Variants in TLN2 observed in about 807,000 individuals in gnomAD.
TLN2 encodes talin-2.
TLN2 carries 118 observed loss-of-function variants against 294.7 expected under a neutral mutation model. That is an observed-to-expected ratio of 0.40 (90% CI 0.34 to 0.47). TLN2 has a LOEUF of 0.47. Among genes scored for constraint, TLN2 ranks in the 20% least tolerant of loss-of-function variants. The pLI, the probability that TLN2 is intolerant of heterozygous loss-of-function variation, is 0.84. For missense variants in TLN2, 3,083 were observed against 3,282.2 expected (o/e 0.94, Z 1.48); for synonymous variants, 1,431 against 1,304.5 (o/e 1.10, Z -2.09).
intron 2 of TLN2, among the ~76,000 whole-genome samples, chr15:62,600,283 G>A (rs547415505): frequency 2.0e-5 from 3 of 152,262 alleles, no homozygotes; most frequent in East Asian, 3.9e-4. Context: ...ATTTTGGTGC[G>A]GTGCAGTGAA....
At chr15:62,524,548 ATCCCTACCTTGAAGTAGCC>A (rs994241763) in intron 1 of TLN2, among the ~76,000 whole-genome samples, 4 of 152,182 alleles carry the variant, frequency 2.6e-5, no homozygotes, top group Non-Finnish European at 4.4e-5. Flanking sequence ...AGGACTTCAG[ATCCCTACCTTGAAGTAGCC>A]TCCCTACCTT....
chr15:62,640,116 A>C (rs1270186244), intron 3 of TLN2: 1 of 453,376 alleles, frequency 2.2e-6, no homozygotes, highest in African/African-American at 2.0e-5. Context: ...TGGCATTTGC[A>C]GCACTTCTGG....
intron 10 of TLN2, among the ~76,000 whole-genome samples, chr15:62,674,597 G>C (rs2055926734): frequency 1.3e-5 from 2 of 148,156 alleles, no homozygotes; most frequent in Admixed American, 6.9e-5. Context: ...CCCCCGCCCT[G>C]TTCAAGTGAT....
Position 62,725,076 on chromosome 15 carries a change from G to A in TLN2, c.3227G>A (p.Ser1076Asn), listed in dbSNP as rs2060362606. Residue 1076 changes from serine (S) to asparagine (N), a missense_variant, in exon 27 of 59, where the codon AGC (serine) becomes AAC (asparagine). By Grantham distance (46) the Ser-to-Asn change is conservative. Transcript: ENST00000636159. ...GATGCCAAGATGGCAGCCGTGGAGA[G>A]CCAGCTGAAGCCACTTCCAGGGGAA... ...LQDAKMAAVE[S>N]QLKPLPGETL... 1 of 1,612,742 alleles carries A rather than the reference G, an allele frequency of 6.2e-7. No individual in the cohort carries two copies. The highest frequency in any genetic ancestry group is 1.7e-5 in the Admixed American group (1 of 59,962).
rs553032101 is a variant in TLN2 at position 62,395,558 on chromosome 15, G to C, written c.-238+4873G>C. On this transcript the variant is annotated intron_variant, in intron 1 of 58. Coordinates refer to ENST00000636159, the MANE Select transcript of TLN2 (RefSeq NM_015059.3). ...TTCTGTGAAAGTTTGGAGCACACGT[G>C]CCATGTGAGCCAGCAATCCCACATT... Among the ~76,000 whole-genome samples, 44 of 152,242 alleles carry C rather than the reference G, an allele frequency of 2.9e-4. No homozygotes were observed. In the South Asian group the frequency reaches 8.7e-3, roughly 30 times the overall value.
At chr15:62,738,517 T>C (rs1320385098) in intron 30 of TLN2, among the ~76,000 whole-genome samples, 184 bp downstream of exon 30, 5 of 152,244 alleles carry the variant, frequency 3.3e-5, no homozygotes, top group Non-Finnish European at 7.3e-5. Flanking sequence ...AGGTGGAGCT[T>C]TTAAAGTTTA....
chr15:62,657,458 T>G (rs2053355580), intron 8 of TLN2, among the ~76,000 whole-genome samples: 1 of 152,240 alleles, frequency 6.6e-6, no homozygotes. Context: ...GCTGATCATT[T>G]CATATGAGTT....
intron 34 of TLN2, among the ~76,000 whole-genome samples, chr15:62,751,605 C>T (rs556620078): frequency 3.9e-5 from 6 of 152,320 alleles, no homozygotes; most frequent in Non-Finnish European, 8.8e-5. Flanking sequence ...GTAAAACATC[C>T]TTCAGTTCCA....
intron 8 of TLN2, among the ~76,000 whole-genome samples, 156 bp downstream of exon 8, chr15:62,656,242 G>T (rs1164521875): frequency 6.6e-6 from 1 of 152,170 alleles, no homozygotes; most frequent in Non-Finnish European, 1.5e-5. Context: ...GTGTTTGGTT[G>T]TGGTGCAGGT....
At chr15:62,768,409 G>A (rs2063152298) in intron 41 of TLN2, among the ~76,000 whole-genome samples, 1 of 152,136 alleles carries the variant, frequency 6.6e-6, no homozygotes, top group African/African-American at 2.4e-5. Context: ...GCTCTTCGGT[G>A]TCTCTTCTGT....
At chr15:62,428,039 G>A (rs2034812324) in intron 1 of TLN2, among the ~76,000 whole-genome samples, 1 of 152,262 alleles carries the variant, frequency 6.6e-6, no homozygotes, top group East Asian at 1.9e-4. Flanking sequence ...AAGACCCTCA[G>A]CCTTCTGTTC....
Position 62,802,867 on chromosome 15 carries a change from T to C in TLN2, c.6477+2098T>C, listed in dbSNP as rs1338166406. Among the ~76,000 whole-genome samples, 4 of 152,240 alleles carry C rather than the reference T, an allele frequency of 2.6e-5. No individual in the cohort carries two copies. In the East Asian group the frequency reaches 7.7e-4, roughly 29 times the overall value. ...CTTTCATATGCCTGTTTGCCGTTTG[T>C]ATGTCTTCTTTTGAGAAATGTCTAT... On this transcript the variant is annotated intron_variant, in intron 50 of 58. Coordinates refer to ENST00000636159, the MANE Select transcript of TLN2 (RefSeq NM_015059.3).
intron 1 of TLN2, among the ~76,000 whole-genome samples, chr15:62,426,070 A>G (rs1277954781): frequency 2.0e-5 from 3 of 152,168 alleles, no homozygotes; most frequent in Non-Finnish European, 4.4e-5. Flanking sequence ...GAAAGCCTCT[A>G]CTAAGGTATG....
chr15:62,458,281 T>C (rs2036594674), intron 1 of TLN2, among the ~76,000 whole-genome samples: 1 of 152,118 alleles, frequency 6.6e-6, no homozygotes. Context: ...GCGGGGTCAC[T>C]CCTCCACCCC....
chr15:62,638,775 A>G (rs2050670350), intron 3 of TLN2, among the ~76,000 whole-genome samples: 2 of 152,094 alleles, frequency 1.3e-5, no homozygotes, highest in African/African-American at 4.8e-5. Context: ...TCTCTGTGTC[A>G]GGTACTTTAT....
intron 1 of TLN2, among the ~76,000 whole-genome samples, chr15:62,556,920 CA>C (rs1344810516): frequency 1.3e-5 from 2 of 152,126 alleles, no homozygotes; most frequent in Admixed American, 1.3e-4. Flanking sequence ...TAACTGTAAT[CA>C]GGGGAAAATA....
chr15:62,637,675 T>A (rs1299966052), intron 3 of TLN2: 1 of 152,286 alleles, frequency 6.6e-6, no homozygotes, highest in Non-Finnish European at 1.5e-5. Flanking sequence ...TGCTGAGTGG[T>A]CATCAGGTGA....
Position 62,655,993 on chromosome 15 carries a change from A to T in TLN2, c.567A>T (p.Glu189Asp). The T allele has an allele frequency of 6.2e-7, 1 of 1,614,208 alleles. No individual in the cohort carries two copies. The highest frequency in any genetic ancestry group is 1.1e-5 in the South Asian group (1 of 91,084). The change falls in exon 8 of 59, where the codon GAA becomes GAT. Residue 189 changes from glutamate to aspartate, a missense_variant. Transcript: ENST00000636159. The part of the protein sequence containing the change: ...SRTFREQGVD[E>D]NETLLLRRKF... ...CATTCAGAGAACAAGGAGTAGATGA[A>T]AACGAAACGTTGCTGCTTAGACGGA...
intron 2 of TLN2, among the ~76,000 whole-genome samples, chr15:62,596,809 A>G (rs2046566986): frequency 6.6e-6 from 1 of 152,192 alleles, no homozygotes; most frequent in South Asian, 2.1e-4. Flanking sequence ...GGCTAAAAGT[A>G]GGAAACATTA....
Sources: gnomAD v4.1 joint callset for allele counts (sites outside exome capture counted in the v4.1 genomes callset) on GRCh38, gnomAD v4.1.1 for gene constraint, MANE v1.5 for transcripts, NCBI Gene and HGNC (gene_info 2026-07-23, HGNC 2026-07-21) for gene names.